Variants in ANO3 observed in about 807,000 individuals in gnomAD.
ANO3 encodes anoctamin-3.
A neutral mutation model predicts 144.8 loss-of-function variants in ANO3; 99 were observed. That is an observed-to-expected ratio of 0.68 (90% CI 0.58 to 0.81). The LOEUF (loss-of-function observed/expected upper bound fraction) is 0.81, where lower values mean the gene tolerates loss of function less well. Ranked by LOEUF, ANO3 falls within the 30% of genes least tolerant of loss-of-function variation. The pLI, the probability that ANO3 is intolerant of heterozygous loss-of-function variation, is 0.00. For synonymous variants in ANO3, 414 were observed against 392.6 expected (o/e 1.05, Z -0.64); for missense variants, 905 against 1,202.2 (o/e 0.75, Z 3.66).
intron 1 of ANO3, among the ~76,000 whole-genome samples, chr11:26,261,100 G>A (rs1038322534): frequency 1.3e-5 from 2 of 152,114 alleles, no homozygotes; most frequent in Non-Finnish European, 2.9e-5. Flanking sequence ...CAAGATGAGA[G>A]AATTTAACTT....
At position 26,542,007 on chromosome 11, in the gene ANO3, T is replaced by A. The variant is rs1849657948; in HGVS notation, c.1093T>A (p.Leu365Ile). The change falls in exon 11 of 27, where the codon TTA becomes ATA. Residue 365 changes from leucine to isoleucine, a missense_variant. This residue lies in a region of ANO3 where 597 missense variants were observed against 865.1 expected (regional missense o/e 0.69). Coordinates refer to ENST00000256737, the MANE Select transcript of ANO3 (RefSeq NM_031418.4). ...TGGACCTCAGAATAACAGACATCTA[T>A]TATATGAGCGCTGGGCACGCTGGGG... ...THGPQNNRHL[L>I]YERWARWGMW... 3.7e-6 allele frequency: 6 copies of A among 1,612,932 alleles called. No individual in the cohort carries two copies. The highest frequency in any genetic ancestry group is 5.1e-6 in the Non-Finnish European group (6 of 1,179,266).
At chr11:26,394,000 T>G (rs188499139) in intron 1 of ANO3, among the ~76,000 whole-genome samples, 2 of 152,162 alleles carry the variant, frequency 1.3e-5, no homozygotes, top group Non-Finnish European at 2.9e-5. Flanking sequence ...GAAATGGCCT[T>G]TCTAAATAAT....
chr11:26,489,700 T>A (rs749587266), intron 4 of ANO3, among the ~76,000 whole-genome samples: 1 of 152,242 alleles, frequency 6.6e-6, no homozygotes, highest in Non-Finnish European at 1.5e-5. Flanking sequence ...ATGTGAGACC[T>A]GGAGTCAACA....
chr11:26,557,323 T>TGGTGGCGGGCGC (rs1242141292), intron 13 of ANO3, among the ~76,000 whole-genome samples: 1 of 151,464 alleles, frequency 6.6e-6, no homozygotes, highest in Non-Finnish European at 1.5e-5. Context: ...TAGCCGGGCG[T>TGGTGGCGGGCGC]GGTGGCGGGC....
chr11:26,392,403 C>T (rs1244034022), intron 1 of ANO3, among the ~76,000 whole-genome samples: 2 of 151,904 alleles, frequency 1.3e-5, no homozygotes, highest in African/African-American at 2.4e-5. Flanking sequence ...ATATGATTTA[C>T]CTTTTGATAT....
At chr11:26,465,034 A>G (rs1859546850) in intron 4 of ANO3, among the ~76,000 whole-genome samples, 1 of 151,576 alleles carries the variant, frequency 6.6e-6, no homozygotes, top group Non-Finnish European at 1.5e-5. Flanking sequence ...CAAAAAAGCA[A>G]TAATCTAAAT....
intron 10 of ANO3, among the ~76,000 whole-genome samples, chr11:26,538,842 C>T (rs1165310412): frequency 6.6e-6 from 1 of 152,004 alleles, no homozygotes; most frequent in Non-Finnish European, 1.5e-5. Context: ...ATAAAATGGG[C>T]TCAGGAATTT....
At position 26,546,454 on chromosome 11, in the gene ANO3, T is replaced by C. The variant is rs554895386; in HGVS notation, c.1155-962T>C. Among the ~76,000 whole-genome samples the C allele has an allele frequency of 3.0e-4, 45 of 152,122 alleles. 1 individual carries two copies. Among genetic ancestry groups the C allele is most frequent in the Non-Finnish European group, 6.2e-4 (42 of 67,946 alleles). Reference sequence around the variant, plus strand: ...AAGGAAATATGACAAGAGAATCTTCTTCTTATCAAGAATCACTGCTCAGTG... The same window carrying C: ...AAGGAAATATGACAAGAGAATCTTCCTCTTATCAAGAATCACTGCTCAGTG... On this transcript the variant is annotated intron_variant, in intron 11 of 26. Coordinates refer to ENST00000256737, the MANE Select transcript of ANO3 (RefSeq NM_031418.4).
chr11:26,459,866 T>A (rs1345430719), intron 3 of ANO3, among the ~76,000 whole-genome samples: 1 of 152,094 alleles, frequency 6.6e-6, no homozygotes, highest in Non-Finnish European at 1.5e-5. Context: ...ACTTGTTTAT[T>A]AAGATGGCAA....
chr11:26,578,040 A>T (rs1851036027), intron 14 of ANO3, among the ~76,000 whole-genome samples: 1 of 152,234 alleles, frequency 6.6e-6, no homozygotes, highest in Non-Finnish European at 1.5e-5. Context: ...GTGGGAGCAC[A>T]TGAGTGAGAC....
chr11:26,430,317 C>T (rs575138410), intron 1 of ANO3, among the ~76,000 whole-genome samples: 4 of 151,392 alleles, frequency 2.6e-5, no homozygotes, highest in African/African-American at 9.7e-5. Context: ...TATGTGTCTA[C>T]GTATGTGTTT....
At chr11:26,621,989 T>C (rs1332811954) in intron 17 of ANO3, among the ~76,000 whole-genome samples, 8 of 152,170 alleles carry the variant, frequency 5.3e-5, no homozygotes, top group Non-Finnish European at 1.2e-4. Flanking sequence ...TTGTATGTAC[T>C]GCCAAAGTGA....
At chr11:26,254,539 C>T (rs946208123) in intron 1 of ANO3, among the ~76,000 whole-genome samples, 42 of 152,164 alleles carry the variant, frequency 2.8e-4, no homozygotes, top group Admixed American at 8.5e-4. Flanking sequence ...CTTTCTGATG[C>T]TTGGGATTAG....
At chr11:26,303,403 A>G (rs1016332934) in intron 1 of ANO3, among the ~76,000 whole-genome samples, 1 of 152,214 alleles carries the variant, frequency 6.6e-6, no homozygotes, top group Non-Finnish European at 1.5e-5. Context: ...AGCAACAAAG[A>G]TGCAACTGGA....
rs1157187050 is a variant in ANO3 at position 26,505,031 on chromosome 11, A to G, written c.433-3073A>G. Among the ~76,000 whole-genome samples the G allele has an allele frequency of 4.0e-5, 6 of 150,456 alleles. 1 individual carries two copies. The East Asian group carries it at 7.8e-4, about 19-fold the overall frequency. The stretch of plus-strand genomic sequence containing the variant: ...CACCTCAAAAAAAAAAAAAAAAAAA[A>G]AAAAAAAAGAAGAGAAAAGGTAGAA... On this transcript the variant is annotated intron_variant, in intron 4 of 26. Coordinates refer to ENST00000256737, the MANE Select transcript of ANO3 (RefSeq NM_031418.4).
At chr11:26,209,723 G>T (rs1360523691) in intron 1 of ANO3, among the ~76,000 whole-genome samples, 1 of 152,182 alleles carries the variant, frequency 6.6e-6, no homozygotes, top group African/African-American at 2.4e-5. Flanking sequence ...GTTTTGATTT[G>T]CATTTCTCTA....
chr11:26,296,718 C>T (rs1330292882), intron 1 of ANO3, among the ~76,000 whole-genome samples: 1 of 152,144 alleles, frequency 6.6e-6, no homozygotes, highest in Non-Finnish European at 1.5e-5. Flanking sequence ...GAATAACAGA[C>T]ACTGATTTGA....
chr11:26,254,337 T>C (rs1237771479), intron 1 of ANO3, among the ~76,000 whole-genome samples: 1 of 152,074 alleles, frequency 6.6e-6, no homozygotes, highest in Non-Finnish European at 1.5e-5. Context: ...CGAGAAAAGG[T>C]AAATGAAGAT....
chr11:26,261,420 G>A (rs1440588251), intron 1 of ANO3, among the ~76,000 whole-genome samples: 1 of 152,076 alleles, frequency 6.6e-6, no homozygotes, highest in Non-Finnish European at 1.5e-5. Context: ...ATCCGGAGAG[G>A]CTAAAAACAA....
Sources: gnomAD v4.1 joint callset for allele counts (sites outside exome capture counted in the v4.1 genomes callset) on GRCh38, gnomAD v4.1.1 for gene constraint, gnomAD v4.1.1 regional missense constraint, MANE v1.5 for transcripts, NCBI Gene and HGNC (gene_info 2026-07-23, HGNC 2026-07-21) for gene names.